The following DBNDD1 variants were observed in gnomAD, a reference collection of about 807,000 sequenced individuals.
The protein encoded by DBNDD1 is dysbindin domain-containing protein 1.
In DBNDD1, 14 loss-of-function variants were observed where a neutral mutation model predicts 17.0. That is an observed-to-expected ratio of 0.82 (90% CI 0.54 to 1.29). The LOEUF (loss-of-function observed/expected upper bound fraction) is 1.29. DBNDD1 is among the 50% of genes most tolerant of loss of function. The pLI is 0.00. For missense variants in DBNDD1, 221 were observed against 216.2 expected, an observed-to-expected ratio of 1.02 and a Z score of -0.14; for synonymous variants, 105 against 102.0, an observed-to-expected ratio of 1.03 and a Z score of -0.18.
In DBNDD1 at chr16:90,011,815, G is replaced by A. The variant is rs1000362619; in HGVS notation, c.32-2385C>T. 7 of 373,144 alleles carry A rather than the reference G, an allele frequency of 1.9e-5. No homozygotes were observed. In the Admixed American group the frequency reaches 2.2e-4, roughly 11 times the overall value. The allele number at this position is 373,144 out of a possible 1,614,324, so 23.1% of individuals were successfully genotyped here. A position where few individuals can be genotyped will look rare whatever the true frequency, so the allele number is the denominator to read the frequency against. On this transcript the variant is annotated intron_variant, in intron 1 of 3. Coordinates refer to ENST00000002501, the MANE Select transcript of DBNDD1 (RefSeq NM_001042610.3). ...CACAGGGGACAGGGGGTGAGATGTG[G>A]ACTCTGTTCTAAGGCTGTGAGCAGG... is the stretch of plus-strand genomic sequence containing the variant.
At position 90,006,064 on chromosome 16, in the gene DBNDD1, G is replaced by A. The variant is rs1298478593; in HGVS notation, c.*271C>T. ...GGAACGAGCTGGACGTAAGGCCACT[G>A]GGCTGTGCTTGTGCTGGGGCTCCCA... On this transcript the variant is annotated 3_prime_UTR_variant, in exon 4 of 4. Transcript: ENST00000002501. 1 of 436,920 alleles carries A rather than the reference G, an allele frequency of 2.3e-6. No individual in the cohort carries two copies. Among genetic ancestry groups the A allele is most frequent in the Non-Finnish European group, 4.3e-6 (1 of 235,100 alleles). The allele number at this position is 436,920 out of a possible 1,614,324, so 27.1% of individuals were successfully genotyped here.
rs2035418596 is a variant in DBNDD1 at position 90,006,147 on chromosome 16, C to T, written c.*188G>A. The stretch of plus-strand genomic sequence containing the variant: ...AAAGCCGGCTGGTCTCCAAGTGAGG[C>T]GAAGACCCGTGCCCAGCAGACAAGG... On this transcript the variant is annotated 3_prime_UTR_variant, in exon 4 of 4. Transcript: ENST00000002501. 6.9e-6 allele frequency: 6 copies of T among 867,296 alleles called. No individual in the cohort carries two copies. Among genetic ancestry groups the T allele is most frequent in the South Asian group, 2.0e-5 (1 of 50,024 alleles). 53.7% of individuals were successfully genotyped at this position (867,296 alleles called of 1,614,324 possible).
chr16:90,010,815 C>T (rs1272908411), intron 1 of DBNDD1, among the ~76,000 whole-genome samples: 1 of 152,216 alleles, frequency 6.6e-6, no homozygotes, highest in Non-Finnish European at 1.5e-5. Flanking sequence ...ACCTCACTTG[C>T]CTCAGGCAGC....
chr16:90,008,939 G>T lies in DBNDD1; in HGVS notation c.179-15C>A. ...GCTCAGAGGCTCTGAGGGCAGAGGG[G>T]GTACAGTCAGCCCTCAGGCCCTCCC... On this transcript the variant is annotated splice_polypyrimidine_tract_variant and intron_variant, in intron 2 of 3. Transcript: ENST00000002501. 1 of 1,540,184 alleles carries T rather than the reference G, an allele frequency of 6.5e-7. No individual in the cohort carries two copies. The highest frequency in any genetic ancestry group is 8.8e-7 in the Non-Finnish European group (1 of 1,136,572).
rs905087649 is a variant in DBNDD1, at chr16:90,014,676, C to G, written c.31+4635G>C. Among the ~76,000 whole-genome samples, 7 of 152,114 alleles carry G rather than the reference C, an allele frequency of 4.6e-5. No homozygotes were observed. The South Asian group carries it at 1.2e-3, about 27-fold the overall frequency. On this transcript the variant is annotated intron_variant, in intron 1 of 3. Transcript: ENST00000002501. ...AGCCCTGTGGAAGCTTCACAGCAGCCCTGTGTGGAATGAATATCATAGTTG... is the reference window on the plus strand; with the variant it reads ...AGCCCTGTGGAAGCTTCACAGCAGCGCTGTGTGGAATGAATATCATAGTTG...
At chr16:90,012,489 C>T (rs1207605470) in intron 1 of DBNDD1, among the ~76,000 whole-genome samples, 29 of 148,244 alleles carry the variant, frequency 2.0e-4, no homozygotes, top group African/African-American at 6.5e-4. Flanking sequence ...GATGGAGTTT[C>T]GTTCTTGTTG....
Position 90,019,348 on chromosome 16 carries a change from G to A in DBNDD1, c.-7C>T, listed in dbSNP as rs1213552873. 8.2e-7 allele frequency: 1 copy of A among 1,217,070 alleles called. No homozygotes were observed. 75.4% of individuals were successfully genotyped at this position (1,217,070 alleles called of 1,614,324 possible). ...CGCCCTCCGGGGGCTCCATGCGGCCGGTGCGGTCTGGGAGGGGCACGGGCG... is the reference window on the plus strand; with the variant it reads ...CGCCCTCCGGGGGCTCCATGCGGCCAGTGCGGTCTGGGAGGGGCACGGGCG... On this transcript the variant is annotated 5_prime_UTR_variant, in exon 1 of 4. Transcript: ENST00000002501. The surrounding 1 kb of genome is among the most constrained non-coding windows in gnomAD (Gnocchi z 6.1).
chr16:90,008,350 C>T (rs371137749), intron 3 of DBNDD1, among the ~76,000 whole-genome samples: 35 of 47,776 alleles, frequency 7.3e-4, no homozygotes, highest in African/African-American at 1.6e-3. Context: ...CGCACACCTC[C>T]CAGGACTTCC....
At chr16:90,010,941 C>CA (rs2035544087) in intron 1 of DBNDD1, among the ~76,000 whole-genome samples, 1 of 152,238 alleles carries the variant, frequency 6.6e-6, no homozygotes, top group African/African-American at 2.4e-5. Context: ...TCCTTCCCCC[C>CA]ACCCATTGCC....
chr16:90,012,339 G>A (rs1232456574), intron 1 of DBNDD1, among the ~76,000 whole-genome samples: 3 of 152,142 alleles, frequency 2.0e-5, no homozygotes, highest in Non-Finnish European at 4.4e-5. Context: ...AGGTTTACAG[G>A]CCAGGCATGA....
chr16:90,010,275 G>C (rs1465361092), intron 1 of DBNDD1: 1 of 414,882 alleles, frequency 2.4e-6, no homozygotes, highest in Admixed American at 4.3e-5. Context: ...CCTGACCTCA[G>C]GTGATCCGCC....
At chr16:90,014,414 C>T (rs972851664) in intron 1 of DBNDD1, among the ~76,000 whole-genome samples, 3 of 152,008 alleles carry the variant, frequency 2.0e-5, no homozygotes, top group Admixed American at 6.5e-5. Context: ...TGTGAGCCAC[C>T]GTGCCGGGCC....
chr16:90,006,831 C>G (rs1340099061), intron 3 of DBNDD1: 1 of 257,260 alleles, frequency 3.9e-6, no homozygotes, highest in African/African-American at 2.1e-5. Flanking sequence ...CCCACCTCAG[C>G]CAACCACCCT....
chr16:90,015,431 T>C (rs1173439006), intron 1 of DBNDD1, among the ~76,000 whole-genome samples: 4 of 152,196 alleles, frequency 2.6e-5, no homozygotes, highest in Admixed American at 1.3e-4. Flanking sequence ...ACCATATCAG[T>C]AAAGTTCTGG....
In DBNDD1 at chr16:90,008,809, CTCG is replaced by C; in HGVS notation, c.291_293del (p.Asp97del). The C allele has an allele frequency of 1.9e-6, 3 of 1,603,138 alleles. No homozygotes were observed. The highest frequency in any genetic ancestry group is 2.6e-6 in the Non-Finnish European group (3 of 1,172,740). The stretch of plus-strand genomic sequence containing the variant: ...CTGCTGGGGACTCGGTGTTGAGGTT[CTCG>C]TCGTCCGAGTCAGCAAAGACCTCGG... On this transcript the variant is annotated inframe_deletion, in exon 3 of 4. Coordinates refer to ENST00000002501, the MANE Select transcript of DBNDD1 (RefSeq NM_001042610.3).
At position 90,008,779 on chromosome 16, in the gene DBNDD1, C is replaced by G. The variant is rs779920607; in HGVS notation, c.319+5G>C. On this transcript the variant is annotated splice_donor_5th_base_variant and intron_variant, in intron 3 of 3. Transcript: ENST00000002501. Reference sequence around the variant, plus strand: ...CTCCCAGCCCAGCCCTGATGCCGGCCTCACCTGCTGGGGACTCGGTGTTGA... The same window carrying G: ...CTCCCAGCCCAGCCCTGATGCCGGCGTCACCTGCTGGGGACTCGGTGTTGA... 4 of 1,590,742 alleles carry G rather than the reference C, an allele frequency of 2.5e-6. No individual in the cohort carries two copies. The Admixed American group carries it at 6.7e-5, about 27-fold the overall frequency.
chr16:90,014,346 T>C lies in DBNDD1; in HGVS notation c.32-4916A>G, dbSNP rs188894863. On this transcript the variant is annotated intron_variant, in intron 1 of 3. Transcript: ENST00000002501. Reference sequence around the variant, plus strand: ...TTCTCCCTGTTGGCCAGGCTGGTCTTGAACTCCTGACCTCATGATCCGCCC... The same window carrying C: ...TTCTCCCTGTTGGCCAGGCTGGTCTCGAACTCCTGACCTCATGATCCGCCC... Among the ~76,000 whole-genome samples, 319 of 152,144 alleles carry C rather than the reference T, an allele frequency of 2.1e-3. 7 individuals are homozygous for C. Among genetic ancestry groups the C allele is most frequent in the South Asian group, 0.014 (69 of 4,816 alleles).
chr16:90,019,516 T>TCCCGGGC (rs1341903081), upstream of DBNDD1: 1 of 153,100 alleles, frequency 6.5e-6, no homozygotes, highest in East Asian at 2.0e-4. The surrounding 1 kb of genome is among the most constrained non-coding windows in gnomAD (Gnocchi z 6.1). Context: ...GCGCAGCTGC[T>TCCCGGGC]CCCGGGCCCC....
At chr16:90,015,803 C>T (rs2035631485) in intron 1 of DBNDD1, among the ~76,000 whole-genome samples, 1 of 151,752 alleles carries the variant, frequency 6.6e-6, no homozygotes, top group Admixed American at 6.6e-5. Context: ...CCAGAATAGG[C>T]AAGCGCGTAG....
Sources: gnomAD v4.1 joint callset for allele counts (sites outside exome capture counted in the v4.1 genomes callset) on GRCh38, gnomAD v4.1.1 for gene constraint, Gnocchi (gnomAD v3.1) non-coding constraint, MANE v1.5 for transcripts, NCBI Gene and HGNC (gene_info 2026-07-23, HGNC 2026-07-21) for gene names.